RIMBP2: variants seen among roughly 807,000 people sequenced by gnomAD.
RIMBP2 encodes RIMS binding protein 2, also known as RIMS-binding protein 2.
Under a neutral mutation model 118.6 loss-of-function variants are expected in RIMBP2, and 48 were observed. The ratio of observed to expected loss-of-function variants is 0.40; its 90% CI spans 0.32 to 0.51. The LOEUF (loss-of-function observed/expected upper bound fraction) is 0.51, where lower values mean the gene tolerates loss of function less well. Ranked by LOEUF, RIMBP2 falls within the 20% of genes least tolerant of loss-of-function variation. RIMBP2 has a pLI of 0.41. For synonymous variants in RIMBP2, 762 were observed against 742.9 expected (o/e 1.03, Z -0.42); for missense variants, 1,551 against 1,768.3 (o/e 0.88, Z 2.20).
chr12:130,670,343 G>T lies in RIMBP2; in HGVS notation c.-351-41887C>A, dbSNP rs1297797897. 6.6e-6 allele frequency among the ~76,000 whole-genome samples: 1 copy of T among 152,314 alleles called. No homozygotes were observed. Among genetic ancestry groups the T allele is most frequent in the East Asian group, 1.9e-4 (1 of 5,182 alleles). ...GGACGTTCTAGGAAGGCATGGAGAA[G>T]CGGATCTTCCCGGCAGCCACCAGCG... On this transcript the variant is annotated intron_variant, in intron 1 of 22. Coordinates refer to ENST00000690449, the MANE Select transcript of RIMBP2 (RefSeq NM_001393629.1). This position sits in a 1 kb window ranked among gnomAD's most constrained non-coding sequence, Gnocchi z 4.9.
At position 130,712,976 on chromosome 12, in the gene RIMBP2, C is replaced by T. The variant is rs144675297; in HGVS notation, c.-352+3246G>A. Among the ~76,000 whole-genome samples the T allele has an allele frequency of 7.1e-3, 1,075 of 151,656 alleles. 12 individuals are homozygous for T. Among genetic ancestry groups the T allele is most frequent in the African/African-American group, 0.024 (986 of 41,280 alleles). ...AGATTTTCTTCAAGGAAAGATGGAT[C>T]CACACAGGAGCGTGGCCCAGTGGTG... On this transcript the variant is annotated intron_variant, in intron 1 of 22. Coordinates refer to ENST00000690449, the MANE Select transcript of RIMBP2 (RefSeq NM_001393629.1).
chr12:130,709,411 G>A (rs1949733183), intron 1 of RIMBP2, among the ~76,000 whole-genome samples: 1 of 152,248 alleles, frequency 6.6e-6, no homozygotes, highest in African/African-American at 2.4e-5. Flanking sequence ...CAGGTCTCTG[G>A]GCGTGACGCC....
intron 2 of RIMBP2, among the ~76,000 whole-genome samples, chr12:130,577,609 C>G (rs1355249693): frequency 6.6e-6 from 1 of 152,160 alleles, no homozygotes; most frequent in African/African-American, 2.4e-5. Flanking sequence ...CAGTCGCCTC[C>G]CACCAGGTCC....
intron 5 of RIMBP2, among the ~76,000 whole-genome samples, chr12:130,476,737 C>T (rs561092694): frequency 1.1e-3 from 166 of 152,334 alleles, no homozygotes; most frequent in Non-Finnish European, 2.1e-3. Context: ...TCCCTTCACC[C>T]CTTGCCATCA....
chr12:130,416,384 C>G (rs1160955562), intron 17 of RIMBP2, among the ~76,000 whole-genome samples: 6 of 152,144 alleles, frequency 3.9e-5, no homozygotes, highest in Admixed American at 3.3e-4. Flanking sequence ...GACACACAGA[C>G]TAATGGAACA....
intron 2 of RIMBP2, among the ~76,000 whole-genome samples, chr12:130,583,627 T>C (rs1180678300): frequency 1.4e-5 from 2 of 147,322 alleles, no homozygotes; most frequent in Admixed American, 1.4e-4. Flanking sequence ...ACATCATCAC[T>C]ATCACAACCA....
intron 1 of RIMBP2, among the ~76,000 whole-genome samples, chr12:130,697,893 T>A (rs1050359264): frequency 2.0e-5 from 3 of 152,210 alleles, no homozygotes; most frequent in African/African-American, 7.2e-5. Flanking sequence ...CCATTTGGGA[T>A]GCACTGAACT....
intron 4 of RIMBP2, among the ~76,000 whole-genome samples, chr12:130,499,232 C>G (rs1355562844): frequency 6.6e-6 from 1 of 152,196 alleles, no homozygotes; most frequent in African/African-American, 2.4e-5. Flanking sequence ...CACCAGGTCT[C>G]TTCCCCAACA....
chr12:130,586,346 G>A (rs2058880711), intron 2 of RIMBP2, among the ~76,000 whole-genome samples: 1 of 152,180 alleles, frequency 6.6e-6, no homozygotes. Flanking sequence ...CAGCTACATG[G>A]GAGGCTGAGG....
intron 1 of RIMBP2, among the ~76,000 whole-genome samples, chr12:130,635,863 C>T (rs1045663116): frequency 1.3e-5 from 2 of 152,104 alleles, no homozygotes; most frequent in African/African-American, 4.8e-5. Context: ...TCTGACTTCA[C>T]TCCCCTGCAT....
At chr12:130,551,777 G>C (rs2055813037) in intron 2 of RIMBP2, among the ~76,000 whole-genome samples, 1 of 152,206 alleles carries the variant, frequency 6.6e-6, no homozygotes, top group South Asian at 2.1e-4. Flanking sequence ...CAAAGACCCA[G>C]AGCAAGCCTC....
chr12:130,441,150 T>A (rs1038244636), intron 11 of RIMBP2, among the ~76,000 whole-genome samples: 3 of 152,068 alleles, frequency 2.0e-5, no homozygotes, highest in Non-Finnish European at 4.4e-5. Flanking sequence ...TGCCTGTAAT[T>A]CCGACACTTT....
At chr12:130,644,285 C>T (rs1056754315) in intron 1 of RIMBP2, among the ~76,000 whole-genome samples, 6 of 152,180 alleles carry the variant, frequency 3.9e-5, no homozygotes, top group East Asian at 1.9e-4. Flanking sequence ...AAACACACCA[C>T]GTCCTGCCCC....
intron 1 of RIMBP2, among the ~76,000 whole-genome samples, chr12:130,663,804 A>G (rs1007001106): frequency 6.6e-6 from 1 of 151,688 alleles, no homozygotes. Context: ...TACCCTCAAG[A>G]CAACATAAAA....
rs368124420 is a variant in RIMBP2, at chr12:130,635,169, A to G, written c.-351-6713T>C. ...GCTTTGTTCCAGTCTCAGGAAGCTC[A>G]GCAGTTCATTTTCTCCACATCCACT... is the stretch of plus-strand genomic sequence containing the variant. On this transcript the variant is annotated intron_variant, in intron 1 of 22. Transcript: ENST00000690449. Among the ~76,000 whole-genome samples the G allele has an allele frequency of 2.6e-5, 4 of 152,176 alleles. No homozygotes were observed. In the East Asian group the frequency reaches 5.8e-4, roughly 22 times the overall value.
chr12:130,698,916 T>C (rs1324697985), intron 1 of RIMBP2, among the ~76,000 whole-genome samples: 3 of 151,954 alleles, frequency 2.0e-5, no homozygotes, highest in African/African-American at 4.8e-5. Context: ...AAAAAGTGGG[T>C]GAAGGACATG....
At chr12:130,529,733 G>A (rs921788538) in intron 2 of RIMBP2, among the ~76,000 whole-genome samples, 4 of 152,126 alleles carry the variant, frequency 2.6e-5, no homozygotes, top group South Asian at 2.1e-4. Flanking sequence ...CCAGCTTCAC[G>A]GAAGACAAGT....
rs2137339973 is a variant in RIMBP2 at position 130,450,072 on chromosome 12, G to T, written c.581+128C>A. The T allele has an allele frequency of 1.5e-6, 1 of 652,752 alleles. No individual in the cohort carries two copies. The highest frequency in any genetic ancestry group is 2.7e-6 in the Non-Finnish European group (1 of 368,930). The allele number at this position is 652,752 out of a possible 1,614,324, so 40.4% of individuals were successfully genotyped here. On this transcript the variant is annotated intron_variant, in intron 9 of 22. Transcript: ENST00000690449. This position sits in a 1 kb window ranked among gnomAD's most constrained non-coding sequence, Gnocchi z 4.8. ...GAACCCTGCTCAGCCTCCAGGCCAG[G>T]CTGAAATCCCACCTTCTCCTCGTGC...
intron 6 of RIMBP2, among the ~76,000 whole-genome samples, chr12:130,464,740 G>A (rs1397580713): frequency 2.6e-5 from 4 of 152,202 alleles, no homozygotes; most frequent in Non-Finnish European, 5.9e-5. Flanking sequence ...GGTCTCTCTG[G>A]CCTCTGAGTC....
Sources: gnomAD v4.1 joint callset for allele counts (sites outside exome capture counted in the v4.1 genomes callset) on GRCh38, gnomAD v4.1.1 for gene constraint, Gnocchi (gnomAD v3.1) non-coding constraint, MANE v1.5 for transcripts, NCBI Gene and HGNC (gene_info 2026-07-23, HGNC 2026-07-21) for gene names.